The following ROR1 variants were observed in gnomAD, a reference collection of about 807,000 sequenced individuals.
The protein encoded by ROR1 is inactive tyrosine-protein kinase transmembrane receptor ROR1.
In ROR1, 19 loss-of-function variants were observed where a neutral mutation model predicts 78.8. That is an observed-to-expected ratio of 0.24 (90% CI 0.17 to 0.35). The LOEUF (loss-of-function observed/expected upper bound fraction) is 0.35. Among genes scored for constraint, ROR1 ranks in the 10% least tolerant of loss-of-function variants. ROR1 has a pLI of 1.00. For missense variants in ROR1, 917 were observed against 1,177.8 expected, an observed-to-expected ratio of 0.78 and a Z score of 3.24; for synonymous variants, 386 against 433.6, an observed-to-expected ratio of 0.89 and a Z score of 1.36.
chr1:64,015,504 G>GT (rs1477977738), intron 2 of ROR1, among the ~76,000 whole-genome samples: 3 of 152,138 alleles, frequency 2.0e-5, no homozygotes, highest in Non-Finnish European at 4.4e-5. Context: ...TCCCCACTCT[G>GT]TTACTTGATT....
rs1208349445 is a variant in ROR1, at chr1:64,178,376, A to G, written c.2335A>G (p.Ser779Gly). 6.2e-7 allele frequency: 1 copy of G among 1,614,214 alleles called. No individual in the cohort carries two copies. The highest frequency in any genetic ancestry group is 8.5e-7 in the Non-Finnish European group (1 of 1,180,034). ...QTTSLSASPV[S>G]NLSNPRYPNY... is the part of the protein sequence containing the mutation. ...AACCTCCCTCAGTGCCAGCCCAGTG[A>G]GTAATCTCAGTAACCCCAGATATCC... Residue 779 changes from serine to glycine, a missense_variant, in exon 9 of 9, where the codon AGT (serine) becomes GGT (glycine). Ser to Gly is a moderately conservative substitution (Grantham distance 56). Around this residue, in one of 3 missense-constraint regions of ROR1, gnomAD observed 835 missense variants for 1,069.8 expected, o/e 0.78. Coordinates refer to ENST00000371079, the MANE Select transcript of ROR1 (RefSeq NM_005012.4). This position sits in a 1 kb window ranked among gnomAD's most constrained non-coding sequence, Gnocchi z 4.3.
intron 4 of ROR1, among the ~76,000 whole-genome samples, chr1:64,071,288 G>A (rs904500591): frequency 1.3e-4 from 20 of 152,130 alleles, no homozygotes; most frequent in Admixed American, 5.2e-4. Context: ...GCATCTGTGC[G>A]GAGGGTGGAC....
At chr1:64,083,849 T>C (rs566148326) in intron 4 of ROR1, among the ~76,000 whole-genome samples, 12 of 151,816 alleles carry the variant, frequency 7.9e-5, no homozygotes, top group Non-Finnish European at 1.6e-4. Context: ...ATGGGGAAAA[T>C]GTGTAAAGAG....
In ROR1 at chr1:64,178,879, G is replaced by C; in HGVS notation, c.*24G>C. 5 of 1,559,886 alleles carry C rather than the reference G, an allele frequency of 3.2e-6. No individual in the cohort carries two copies. The highest frequency in any genetic ancestry group is 1.7e-4 in the Middle Eastern group (1 of 5,906). ...AAAATGCACAACTTTTGTAAATGTG[G>C]TATACAGGACAAACTAGACGGCCGT... On this transcript the variant is annotated 3_prime_UTR_variant, in exon 9 of 9. Transcript: ENST00000371079. The surrounding 1 kb of genome is among the most constrained non-coding windows in gnomAD (Gnocchi z 4.3).
At chr1:64,075,196 TACAC>T (rs1191119978) in intron 4 of ROR1, among the ~76,000 whole-genome samples, 1 of 152,170 alleles carries the variant, frequency 6.6e-6, no homozygotes, top group Admixed American at 6.5e-5. Context: ...AATTTCTTAA[TACAC>T]ACCCTAAAAT....
At chr1:63,946,108 C>T (rs1443394797) in intron 1 of ROR1, among the ~76,000 whole-genome samples, 4 of 152,236 alleles carry the variant, frequency 2.6e-5, no homozygotes, top group South Asian at 2.1e-4. Flanking sequence ...GACACATCCT[C>T]TGTGACATTT....
At chr1:63,968,125 G>A (rs2100493584) in intron 1 of ROR1, among the ~76,000 whole-genome samples, 1 of 152,234 alleles carries the variant, frequency 6.6e-6, no homozygotes, top group East Asian at 1.9e-4. Flanking sequence ...ATCCAAGAAT[G>A]TTAAATAGTT....
chr1:63,964,915 G>T (rs1449070613), intron 1 of ROR1, among the ~76,000 whole-genome samples: 1 of 152,214 alleles, frequency 6.6e-6, no homozygotes, highest in Non-Finnish European at 1.5e-5. Flanking sequence ...TGGGCCTTAA[G>T]ATGCTTCGCA....
Position 64,159,201 on chromosome 1 carries a change from A to ATAT in ROR1, c.1386+9_1386+10insTAT. On this transcript the variant is annotated intron_variant, in intron 8 of 8. Coordinates refer to ENST00000371079, the MANE Select transcript of ROR1 (RefSeq NM_005012.4). ...ATGCATATAAACCCAAGGTAATGTT[A>ATAT]GCAGTACAGAGCTACATTTGTTCCG... is the stretch of plus-strand genomic sequence containing the variant. 6.3e-7 allele frequency: 1 copy of ATAT among 1,590,360 alleles called. No individual in the cohort carries two copies. Among genetic ancestry groups the ATAT allele is most frequent in the Non-Finnish European group, 8.6e-7 (1 of 1,158,332 alleles).
chr1:63,990,774 C>A (rs1014940608), intron 1 of ROR1, among the ~76,000 whole-genome samples: 1 of 152,128 alleles, frequency 6.6e-6, no homozygotes, highest in Admixed American at 6.5e-5. Flanking sequence ...AAGCCAGATT[C>A]TCTTCCTTTC....
intron 1 of ROR1, among the ~76,000 whole-genome samples, chr1:63,941,403 G>A (rs921761577): frequency 6.6e-6 from 1 of 152,140 alleles, no homozygotes; most frequent in South Asian, 2.1e-4. Context: ...ATATATAGGA[G>A]TTGTCTGGAT....
chr1:63,955,351 C>T (rs986481688), intron 1 of ROR1, among the ~76,000 whole-genome samples: 24 of 151,940 alleles, frequency 1.6e-4, no homozygotes, highest in Non-Finnish European at 8.8e-5. Context: ...CAGTTTTTTT[C>T]CCCATCTCCC....
At chr1:63,949,227 G>T (rs1645914414) in intron 1 of ROR1, among the ~76,000 whole-genome samples, 1 of 152,106 alleles carries the variant, frequency 6.6e-6, no homozygotes, top group Non-Finnish European at 1.5e-5. Flanking sequence ...TAAAATAGAC[G>T]AAATCAGGTC....
At chr1:63,809,610 C>A (rs1644848650) in intron 1 of ROR1, among the ~76,000 whole-genome samples, 1 of 152,292 alleles carries the variant, frequency 6.6e-6, no homozygotes, top group East Asian at 1.9e-4. Context: ...CGTGAATGTA[C>A]TTCCAATGTG....
intron 4 of ROR1, among the ~76,000 whole-genome samples, chr1:64,125,696 C>T (rs1263186154): frequency 2.0e-5 from 3 of 152,060 alleles, no homozygotes; most frequent in Non-Finnish European, 2.9e-5. Context: ...ATGGGGAGTT[C>T]GCCTAGTGCA....
chr1:63,946,303 A>G (rs1213003921), intron 1 of ROR1, among the ~76,000 whole-genome samples: 1 of 152,180 alleles, frequency 6.6e-6, no homozygotes, highest in African/African-American at 2.4e-5. Context: ...TTTGGGCAGG[A>G]AGAGAACATC....
chr1:63,971,579 GA>G, intron 1 of ROR1, among the ~76,000 whole-genome samples: 1 of 152,200 alleles, frequency 6.6e-6, no homozygotes, highest in South Asian at 2.1e-4. Flanking sequence ...GTATTACTCA[GA>G]AAGATAAAAA....
At chr1:63,863,547 G>C (rs115406179) in intron 1 of ROR1, among the ~76,000 whole-genome samples, 1 of 152,112 alleles carries the variant, frequency 6.6e-6, no homozygotes, top group Non-Finnish European at 1.5e-5. Context: ...ATGGGTCTGT[G>C]ATAATGCAAA....
intron 4 of ROR1, among the ~76,000 whole-genome samples, chr1:64,127,820 G>A (rs72686903): frequency 0.029 from 4,450 of 152,252 alleles, 110 homozygotes; most frequent in Non-Finnish European, 0.047. Flanking sequence ...TGAGATGCTC[G>A]TGAGCTTCCA....
Sources: gnomAD v4.1 joint callset for allele counts (sites outside exome capture counted in the v4.1 genomes callset) on GRCh38, gnomAD v4.1.1 for gene constraint, gnomAD v4.1.1 regional missense constraint, Gnocchi (gnomAD v3.1) non-coding constraint, MANE v1.5 for transcripts, NCBI Gene and HGNC (gene_info 2026-07-23, HGNC 2026-07-21) for gene names.